Variants in EIF3H observed in about 807,000 individuals in gnomAD.
The protein encoded by EIF3H is eukaryotic translation initiation factor 3 subunit H.
A neutral mutation model predicts 44.2 loss-of-function variants in EIF3H; 26 were observed. The observed-to-expected ratio is 0.59, with a 90% CI of 0.43 to 0.82. The LOEUF is 0.82. Among genes scored for constraint, EIF3H ranks in the 40% least tolerant of loss-of-function variants. EIF3H has a pLI of 0.00. For missense variants in EIF3H, 359 were observed against 432.8 expected, an observed-to-expected ratio of 0.83 and a Z score of 1.51; for synonymous variants, 166 against 151.9, an observed-to-expected ratio of 1.09 and a Z score of -0.68.
chr8:116,755,033 T>G (rs1815416491), intron 1 of EIF3H, among the ~76,000 whole-genome samples: 1 of 152,210 alleles, frequency 6.6e-6, no homozygotes, highest in Admixed American at 6.5e-5. Flanking sequence ...CATTCTAGAT[T>G]TTCCTCTTCC....
intron 1 of EIF3H, among the ~76,000 whole-genome samples, chr8:116,729,312 G>A (rs1395664218): frequency 1.3e-5 from 2 of 152,094 alleles, no homozygotes; most frequent in Non-Finnish European, 2.9e-5. Flanking sequence ...GAAGCCAGAT[G>A]AAAATAACCT....
chr8:116,671,655 CAT>C (rs774302972), intron 2 of EIF3H, among the ~76,000 whole-genome samples: 6 of 152,174 alleles, frequency 3.9e-5, no homozygotes, highest in Non-Finnish European at 8.8e-5. Context: ...CTGCAGCTGA[CAT>C]AGTAGTGTAG....
chr8:116,662,682 T>C (rs964453706), intron 2 of EIF3H, among the ~76,000 whole-genome samples: 4 of 152,134 alleles, frequency 2.6e-5, no homozygotes, highest in Non-Finnish European at 5.9e-5. Flanking sequence ...AAAAGCTTCC[T>C]GGTAAACCTA....
chr8:116,679,112 G>C lies in EIF3H; in HGVS notation c.290-20132C>G, dbSNP rs1204003458. On this transcript the variant is annotated intron_variant, in intron 2 of 7. Coordinates refer to ENST00000521861, the MANE Select transcript of EIF3H (RefSeq NM_003756.3). ...CCCGGCCAGCCTCCCCGTCCGGGAG[G>C]GGGGAGGGGGGGTCAGCCCCCTGCC... Among the ~76,000 whole-genome samples, 7 of 62,392 alleles carry C rather than the reference G, an allele frequency of 1.1e-4. 1 individual carries two copies. In the South Asian group the frequency reaches 2.8e-3, roughly 25 times the overall value. 40.9% of individuals were successfully genotyped at this position (62,392 alleles called of 152,430 possible).
At chr8:116,695,018 A>G (rs565161612) in intron 2 of EIF3H, among the ~76,000 whole-genome samples, 11 of 152,106 alleles carry the variant, frequency 7.2e-5, no homozygotes, top group Non-Finnish European at 1.6e-4. Context: ...ACAAAGCAGC[A>G]GCAACAAAAT....
intron 1 of EIF3H, among the ~76,000 whole-genome samples, chr8:116,740,189 C>T (rs1394414460): frequency 6.6e-6 from 1 of 152,174 alleles, no homozygotes; most frequent in African/African-American, 2.4e-5. Flanking sequence ...AGTTATTTCC[C>T]AACTCCCAAA....
chr8:116,753,083 T>C (rs1325295180), intron 1 of EIF3H, among the ~76,000 whole-genome samples: 3 of 152,188 alleles, frequency 2.0e-5, no homozygotes, highest in Admixed American at 1.3e-4. Context: ...ACATGATTTA[T>C]GGTAACTGGA....
At chr8:116,749,392 T>C (rs922300579) in intron 1 of EIF3H, among the ~76,000 whole-genome samples, 1 of 151,830 alleles carries the variant, frequency 6.6e-6, no homozygotes, top group Admixed American at 6.6e-5. Flanking sequence ...GAGAGGGGCC[T>C]GAGATTCTGT....
intron 1 of EIF3H, among the ~76,000 whole-genome samples, chr8:116,749,639 G>GT (rs373616863): frequency 1.3e-5 from 2 of 151,850 alleles, no homozygotes; most frequent in African/African-American, 4.8e-5. Flanking sequence ...CTTTATTTTT[G>GT]TTTTTTTTCT....
chr8:116,743,520 G>T (rs1237889371), intron 1 of EIF3H, among the ~76,000 whole-genome samples: 1 of 151,674 alleles, frequency 6.6e-6, no homozygotes, highest in East Asian at 1.9e-4. Flanking sequence ...GAGGCAGGCG[G>T]ATCACTTGAG....
chr8:116,643,169 G>GCC lies in EIF3H; in HGVS notation c.*1836_*1837insGG. The GCC allele has an allele frequency of 6.6e-6, 1 of 152,314 alleles. No individual in the cohort carries two copies. The highest frequency in any genetic ancestry group is 2.1e-4 in the South Asian group (1 of 4,826). 9.4% of individuals were successfully genotyped at this position (152,314 alleles called of 1,614,324 possible). On this transcript the variant is annotated 3_prime_UTR_variant, in exon 8 of 8. Transcript: ENST00000521861. ...CAGAGCATATACTCCACAAGGGCAG[G>GCC]GGCCATGGCCAGTTTTACCTGTTAA... is the stretch of plus-strand genomic sequence containing the variant.
intron 2 of EIF3H, among the ~76,000 whole-genome samples, chr8:116,710,344 A>G (rs745440511): frequency 1.3e-4 from 20 of 152,092 alleles, no homozygotes; most frequent in Non-Finnish European, 2.5e-4. Context: ...ATAAGAACAC[A>G]TTTTTCTTCC....
chr8:116,647,539 T>C (rs1206977825), intron 6 of EIF3H, among the ~76,000 whole-genome samples: 2 of 152,246 alleles, frequency 1.3e-5, no homozygotes, highest in African/African-American at 4.8e-5. Context: ...AGCAGGGATA[T>C]ATATAAACTT....
At chr8:116,679,283 C>A (rs1813920778) in intron 2 of EIF3H, among the ~76,000 whole-genome samples, 1 of 49,676 alleles carries the variant, frequency 2.0e-5, no homozygotes, top group Admixed American at 1.5e-4. Flanking sequence ...CCGCCCCGTC[C>A]GGGAGGGAGG....
At chr8:116,697,251 G>T (rs1004174397) in intron 2 of EIF3H, 1 of 443,786 alleles carries the variant, frequency 2.3e-6, no homozygotes, top group African/African-American at 2.0e-5. Context: ...GATGAAATCA[G>T]AAGAAACAAA....
At chr8:116,728,287 G>C (rs566921962) in intron 1 of EIF3H, among the ~76,000 whole-genome samples, 2 of 30,648 alleles carry the variant, frequency 6.5e-5, no homozygotes, top group Non-Finnish European at 1.4e-4. Context: ...GAAAGGTACT[G>C]TTAATACTCA....
chr8:116,701,802 A>C lies in EIF3H; in HGVS notation c.289+24214T>G, dbSNP rs7002391. ...AGAAACAGACTGGAACATACTAAAG[A>C]GATACAATGAAATCCAACATGGCAT... On this transcript the variant is annotated intron_variant, in intron 2 of 7. Coordinates refer to ENST00000521861, the MANE Select transcript of EIF3H (RefSeq NM_003756.3). Among the ~76,000 whole-genome samples the C allele has an allele frequency of 4.2e-3, 647 of 152,328 alleles. 7 individuals carry two copies. Among genetic ancestry groups the C allele is most frequent in the African/African-American group, 0.015 (609 of 41,564 alleles).
At chr8:116,693,679 G>C (rs1276826556) in intron 2 of EIF3H, among the ~76,000 whole-genome samples, 1 of 151,544 alleles carries the variant, frequency 6.6e-6, no homozygotes, top group African/African-American at 2.4e-5. Flanking sequence ...TCCAGTTTAT[G>C]TACATTTCTT....
intron 2 of EIF3H, among the ~76,000 whole-genome samples, chr8:116,682,266 G>A (rs1308444105): frequency 2.6e-5 from 4 of 152,170 alleles, no homozygotes; most frequent in Non-Finnish European, 4.4e-5. Flanking sequence ...CTTGGCAATC[G>A]GGGCAATACA....
Sources: gnomAD v4.1 joint callset for allele counts (sites outside exome capture counted in the v4.1 genomes callset) on GRCh38, gnomAD v4.1.1 for gene constraint, MANE v1.5 for transcripts, NCBI Gene and HGNC (gene_info 2026-07-23, HGNC 2026-07-21) for gene names.